The following FEZ2 variants were observed in gnomAD, a reference collection of about 807,000 sequenced individuals.
FEZ2 encodes the protein fasciculation and elongation protein zeta 2, also known as fasciculation and elongation protein zeta-2.
A neutral mutation model predicts 40.4 loss-of-function variants in FEZ2; 51 were observed. That is an observed-to-expected ratio of 1.26 (90% CI 1.01 to 1.59). The LOEUF is 1.59. Ranked by LOEUF, FEZ2 falls within the 40% of genes most tolerant of loss-of-function variation. The pLI, the probability that FEZ2 is intolerant of heterozygous loss-of-function variation, is 0.00. For missense variants in FEZ2, 640 were observed against 438.3 expected (o/e 1.46, Z -4.11); for synonymous variants, 242 against 172.0 (o/e 1.41, Z -3.18).
chr2:36,566,843 T>G (rs1158843454), intron 5 of FEZ2, among the ~76,000 whole-genome samples: 3 of 152,344 alleles, frequency 2.0e-5, no homozygotes, highest in Non-Finnish European at 2.9e-5. Flanking sequence ...TAAATCATAT[T>G]AACTTTAAAC....
intron 5 of FEZ2, chr2:36,560,649 GAACTTTTATAATA>G: frequency 1.9e-6 from 1 of 517,822 alleles, no homozygotes; most frequent in Non-Finnish European, 3.4e-6. Flanking sequence ...TAAATATAAT[GAACTTTTATAATA>G]AACTTTTATT....
At chr2:36,561,930 G>T (rs1668103927) in intron 5 of FEZ2, among the ~76,000 whole-genome samples, 1 of 152,188 alleles carries the variant, frequency 6.6e-6, no homozygotes, top group African/African-American at 2.4e-5. Flanking sequence ...GTGTAGTCCA[G>T]GGACCCCCTC....
intron 5 of FEZ2, among the ~76,000 whole-genome samples, chr2:36,566,288 C>G (rs1321058371): frequency 1.3e-5 from 2 of 150,250 alleles, no homozygotes; most frequent in African/African-American, 2.5e-5. Context: ...TGCAGTGAGC[C>G]GAGATCGCGC....
At chr2:36,589,183 C>T (rs1668996171) in intron 2 of FEZ2, among the ~76,000 whole-genome samples, 1 of 152,184 alleles carries the variant, frequency 6.6e-6, no homozygotes, top group Admixed American at 6.5e-5. Context: ...CGGGAAGTCA[C>T]AATCTAGTGA....
At chr2:36,592,979 A>G (rs1669112900) in intron 1 of FEZ2, among the ~76,000 whole-genome samples, 1 of 152,214 alleles carries the variant, frequency 6.6e-6, no homozygotes, top group African/African-American at 2.4e-5. Context: ...GTGAAGTAGA[A>G]TTAGAGGCAA....
chr2:36,595,634 G>A (rs1669196641), intron 1 of FEZ2, among the ~76,000 whole-genome samples: 1 of 152,152 alleles, frequency 6.6e-6, no homozygotes, highest in South Asian at 2.1e-4. Context: ...TTGACCTAAA[G>A]CACAGCAATA....
intron 2 of FEZ2, chr2:36,589,687 G>T (rs1669008492): frequency 6.6e-6 from 1 of 152,184 alleles, no homozygotes; most frequent in African/African-American, 2.4e-5. Context: ...TGGGATTAAT[G>T]ACTGGCACAG....
In FEZ2 at chr2:36,581,321, G is replaced by T. The variant is rs373271952; in HGVS notation, c.603C>A (p.Leu201=). 13 of 1,613,840 alleles carry T rather than the reference G, an allele frequency of 8.1e-6. No homozygotes were observed. In the African/African-American group the frequency reaches 1.6e-4, roughly 20 times the overall value. ...LSMLSQEIQT[L]KRSSTGSYEE... ...CATAACTGCCGGTACTAGACCTCTT[G>T]AGAGTTTGAATTTCCTGGGAAAGCA... The change falls in exon 4 of 8, where the codon CTC becomes CTA. Residue 201 remains leucine (L), a synonymous_variant. Coordinates refer to ENST00000405912, the MANE Select transcript of FEZ2 (RefSeq NM_005102.3).
chr2:36,578,543 A>G, intron 5 of FEZ2, 54 bp downstream of exon 5: 3 of 1,559,574 alleles, frequency 1.9e-6, no homozygotes, highest in Non-Finnish European at 2.6e-6. Flanking sequence ...AAAGGCTGGG[A>G]CTACCACAGA....
chr2:36,598,168 C>A lies in FEZ2; in HGVS notation c.-26G>T, dbSNP rs867776053. ...CGCCGCCCGGAGCAGTCGCGCGCCC[C>A]GCCCAGGCCGGCCCAGCCCGCCCAG... is the stretch of plus-strand genomic sequence containing the variant. On this transcript the variant is annotated 5_prime_UTR_variant, in exon 1 of 8. Transcript: ENST00000405912. The A allele has an allele frequency of 1.9e-5, 24 of 1,249,590 alleles. No homozygotes were observed. Among genetic ancestry groups the A allele is most frequent in the Admixed American group, 4.7e-5 (1 of 21,272 alleles). The allele number at this position is 1,249,590 out of a possible 1,614,324, so 77.4% of individuals were successfully genotyped here.
chr2:36,560,778 C>G (rs765231127), intron 5 of FEZ2: 1 of 1,574,134 alleles, frequency 6.4e-7, no homozygotes, highest in South Asian at 1.1e-5. Flanking sequence ...TAAGGATAAC[C>G]GAGCACCTGT....
chr2:36,585,839 G>C (rs941127766), intron 2 of FEZ2, among the ~76,000 whole-genome samples: 3 of 152,138 alleles, frequency 2.0e-5, no homozygotes, highest in Non-Finnish European at 4.4e-5. Flanking sequence ...GGACAGAAGA[G>C]AGCTAAACCT....
At chr2:36,567,102 T>A (rs960537495) in intron 5 of FEZ2, among the ~76,000 whole-genome samples, 6 of 152,132 alleles carry the variant, frequency 3.9e-5, no homozygotes, top group African/African-American at 1.4e-4. Context: ...GTCTTAGGCA[T>A]CTTTCCATCC....
chr2:36,597,941 C>T lies in FEZ2; in HGVS notation c.202G>A (p.Gly68Ser). 6.9e-7 allele frequency: 1 copy of T among 1,449,158 alleles called. No homozygotes were observed. The highest frequency in any genetic ancestry group is 3.0e-5 in the East Asian group (1 of 33,610). The allele number at this position is 1,449,158 out of a possible 1,614,324, so 89.8% of individuals were successfully genotyped here. A position where few individuals can be genotyped will look rare whatever the true frequency, so the allele number is the denominator to read the frequency against. ...ACGGCCGTCCTCGGGGGCTCGGCGC[C>T]CGGATCCGAGGGGCGGAAGCACAGG... Reference protein sequence around the residue: ...LSLCFRPSDPGAEPPRTAVRP... With the variant: ...LSLCFRPSDPSAEPPRTAVRP... The change falls in exon 1 of 8, where the codon GGC becomes AGC. Residue 68 changes from glycine (G) to serine (S), a missense_variant. Gly to Ser is a moderately conservative substitution (Grantham distance 56, BLOSUM62 0). Transcript: ENST00000405912.
chr2:36,564,885 C>A (rs1668190306), intron 5 of FEZ2, among the ~76,000 whole-genome samples: 1 of 152,212 alleles, frequency 6.6e-6, no homozygotes, highest in Non-Finnish European at 1.5e-5. Context: ...GATGTTATTG[C>A]AGCAACCCTG....
chr2:36,590,698 A>G (rs936677826), intron 2 of FEZ2: 4 of 490,968 alleles, frequency 8.1e-6, no homozygotes, highest in Non-Finnish European at 1.4e-5. Flanking sequence ...CACATAAAAA[A>G]TGAGTGTGCT....
intron 2 of FEZ2, among the ~76,000 whole-genome samples, chr2:36,584,253 G>C (rs1668837094): frequency 1.3e-5 from 2 of 152,160 alleles, no homozygotes; most frequent in South Asian, 2.1e-4. Flanking sequence ...CCATAGCTCT[G>C]ATTAGCAGAC....
At position 36,574,641 on chromosome 2, in the gene FEZ2, G is replaced by A. The variant is rs141530543; in HGVS notation, c.903+3956C>T. On this transcript the variant is annotated intron_variant, in intron 5 of 7. Coordinates refer to ENST00000405912, the MANE Select transcript of FEZ2 (RefSeq NM_005102.3). ...ATGCTTGGCCATGATTTTAAAGGAT[G>A]AGTGAGAAAAAAAAAAAATCCCCCA... Among the ~76,000 whole-genome samples the A allele has an allele frequency of 1.8e-3, 274 of 151,404 alleles. 2 individuals are homozygous for A. The highest frequency in any genetic ancestry group is 6.5e-3 in the African/African-American group (268 of 41,240).
intron 2 of FEZ2, among the ~76,000 whole-genome samples, chr2:36,586,799 T>C (rs958843718): frequency 7.2e-5 from 11 of 152,050 alleles, no homozygotes; most frequent in Admixed American, 6.6e-5. Context: ...TTCTTAAAAT[T>C]AGCCAGGCAT....
Sources: gnomAD v4.1 joint callset for allele counts (sites outside exome capture counted in the v4.1 genomes callset) on GRCh38, gnomAD v4.1.1 for gene constraint, MANE v1.5 for transcripts, NCBI Gene and HGNC (gene_info 2026-07-23, HGNC 2026-07-21) for gene names.